Variants in DTNA observed in about 807,000 individuals in gnomAD.
DTNA encodes dystrophin-related protein 3.
Under a neutral mutation model 100.7 loss-of-function variants are expected in DTNA, and 43 were observed. That is an observed-to-expected ratio of 0.43 (90% CI 0.33 to 0.55). The LOEUF (loss-of-function observed/expected upper bound fraction) is 0.55, where lower values mean the gene tolerates loss of function less well. Ranked by LOEUF, DTNA falls within the 20% of genes least tolerant of loss-of-function variation. DTNA has a pLI of 0.04. For missense variants in DTNA, 798 were observed against 953.9 expected (o/e 0.84, Z 2.15); for synonymous variants, 349 against 347.9 (o/e 1.00, Z -0.04).
At chr18:34,823,781 A>G (rs1022127735) in intron 9 of DTNA, among the ~76,000 whole-genome samples, 2 of 152,208 alleles carry the variant, frequency 1.3e-5, no homozygotes, top group African/African-American at 4.8e-5. Context: ...GTAGTGTCAC[A>G]AAAATATCCC....
chr18:34,632,253 G>T (rs1222317376), intron 1 of DTNA, among the ~76,000 whole-genome samples: 1 of 151,976 alleles, frequency 6.6e-6, no homozygotes, highest in Admixed American at 6.6e-5. Context: ...TGGCTCATAC[G>T]TATGGGACAT....
At chr18:34,676,530 G>C (rs1289385987) in intron 1 of DTNA, among the ~76,000 whole-genome samples, 1 of 152,124 alleles carries the variant, frequency 6.6e-6, no homozygotes. Context: ...TGTAATTTAA[G>C]TAAGAACTTA....
At chr18:34,540,538 A>G (rs144578389) in intron 1 of DTNA, among the ~76,000 whole-genome samples, 162 of 152,144 alleles carry the variant, frequency 1.1e-3, no homozygotes, top group African/African-American at 3.4e-3. Context: ...CAGTGACTTT[A>G]TTAACATCTC....
At chr18:34,835,691 A>T (rs972419370) in intron 11 of DTNA, among the ~76,000 whole-genome samples, 1 of 152,194 alleles carries the variant, frequency 6.6e-6, no homozygotes, top group Admixed American at 6.5e-5. Flanking sequence ...TTTGTCAGTG[A>T]TGGGTGGTGG....
chr18:34,867,794 GGC>G, intron 17 of DTNA: 6 of 985,468 alleles, frequency 6.1e-6, no homozygotes, highest in Non-Finnish European at 7.2e-6. Flanking sequence ...CCCCCAAGGT[GGC>G]GCCACTGCCC....
chr18:34,857,006 C>T (rs1366151560), intron 15 of DTNA, among the ~76,000 whole-genome samples: 2 of 152,176 alleles, frequency 1.3e-5, no homozygotes, highest in African/African-American at 2.4e-5. Flanking sequence ...TTATGGCATC[C>T]TGAGGGCTCT....
At chr18:34,500,057 T>G (rs1283290928) in intron 1 of DTNA, among the ~76,000 whole-genome samples, 4 of 152,174 alleles carry the variant, frequency 2.6e-5, no homozygotes, top group Non-Finnish European at 4.4e-5. Flanking sequence ...CCTTTTCATA[T>G]AAATTTTAGA....
chr18:34,583,487 T>A (rs2048831009), intron 1 of DTNA, among the ~76,000 whole-genome samples: 1 of 151,920 alleles, frequency 6.6e-6, no homozygotes, highest in Admixed American at 6.6e-5. Context: ...ACCCTCTCCC[T>A]CCTAAAGGAA....
intron 22 of DTNA, among the ~76,000 whole-genome samples, chr18:34,887,003 A>T (rs976184967): frequency 6.6e-6 from 1 of 152,198 alleles, no homozygotes; most frequent in African/African-American, 2.4e-5. Context: ...TGTGTCTCTT[A>T]TCCAAGGGTT....
At chr18:34,866,169 T>C in intron 17 of DTNA, 1 of 1,614,164 alleles carries the variant, frequency 6.2e-7, no homozygotes, top group Non-Finnish European at 8.5e-7. Context: ...TAACTAACAG[T>C]GGAGGGGCCT....
At chr18:34,660,431 G>A (rs200613712) in intron 1 of DTNA, among the ~76,000 whole-genome samples, 4 of 151,278 alleles carry the variant, frequency 2.6e-5, no homozygotes, top group Non-Finnish European at 5.9e-5. Flanking sequence ...ACAGACAGCA[G>A]GCCCTGAAAG....
intron 13 of DTNA, among the ~76,000 whole-genome samples, chr18:34,840,960 A>G (rs1334777152): frequency 6.6e-6 from 1 of 152,108 alleles, no homozygotes; most frequent in Non-Finnish European, 1.5e-5. Context: ...ACAATGCTTT[A>G]CCATCATTAA....
chr18:34,764,132 A>G (rs1272830678), intron 2 of DTNA, among the ~76,000 whole-genome samples: 1 of 152,196 alleles, frequency 6.6e-6, no homozygotes, highest in Non-Finnish European at 1.5e-5. Context: ...AGAAATTTCT[A>G]TCACATATTT....
rs1243309715 is a variant in DTNA, at chr18:34,765,955, C to T, written c.68-6C>T. 3 of 1,613,526 alleles carry T rather than the reference C, an allele frequency of 1.9e-6. No homozygotes were observed. In the African/African-American group the frequency reaches 4.0e-5, roughly 22 times the overall value. Reference sequence around the variant, plus strand: ...ATACCTTATGTGTCCTTTTTCCCCGCACTAGGGGCTCAAGATCTGGATCGC... The same window carrying T: ...ATACCTTATGTGTCCTTTTTCCCCGTACTAGGGGCTCAAGATCTGGATCGC... On this transcript the variant is annotated splice_polypyrimidine_tract_variant and splice_region_variant and intron_variant, in intron 2 of 22. Transcript: ENST00000444659.
At chr18:34,789,254 A>T (rs1196356335) in intron 3 of DTNA, among the ~76,000 whole-genome samples, 1 of 152,168 alleles carries the variant, frequency 6.6e-6, no homozygotes, top group African/African-American at 2.4e-5. Flanking sequence ...CCCTTACTGG[A>T]ACTAAAACAA....
chr18:34,865,256 CTT>C (rs376169647), intron 17 of DTNA, among the ~76,000 whole-genome samples: 2 of 151,410 alleles, frequency 1.3e-5, no homozygotes, highest in African/African-American at 2.4e-5. Flanking sequence ...TTCTTTCTCT[CTT>C]TTTTTTGTCT....
At chr18:34,627,544 C>A (rs984212705) in intron 1 of DTNA, among the ~76,000 whole-genome samples, 9 of 152,148 alleles carry the variant, frequency 5.9e-5, no homozygotes, top group East Asian at 1.9e-4. Flanking sequence ...TATCAATAAG[C>A]CTTAGAGATC....
intron 1 of DTNA, among the ~76,000 whole-genome samples, chr18:34,733,427 T>C (rs1443854857): frequency 6.6e-6 from 1 of 152,248 alleles, no homozygotes; most frequent in Non-Finnish European, 1.5e-5. Flanking sequence ...GCCAGAGTGC[T>C]ACACAAGTCA....
At chr18:34,610,024 A>C (rs1599010350) in intron 1 of DTNA, among the ~76,000 whole-genome samples, 2 of 132,968 alleles carry the variant, frequency 1.5e-5, no homozygotes, top group South Asian at 4.3e-4. Flanking sequence ...CGAGATCTAT[A>C]TATATATATA....
Sources: allele counts gnomAD v4.1 joint callset (sites outside exome capture counted in the v4.1 genomes callset), GRCh38; gene constraint gnomAD v4.1.1; transcripts MANE v1.5; gene names NCBI Gene and HGNC (gene_info 2026-07-23, HGNC 2026-07-21).